Variants in IFT88 observed in about 807,000 individuals in gnomAD.
IFT88 encodes intraflagellar transport protein 88 homolog.
In IFT88, 74 loss-of-function variants were observed where a neutral mutation model predicts 119.5. The observed-to-expected ratio is 0.62, with a 90% CI of 0.51 to 0.75. The LOEUF is 0.75. IFT88 is among the 30% of genes least tolerant of loss of function. The pLI, the probability that IFT88 is intolerant of heterozygous loss-of-function variation, is 0.00. For missense variants in IFT88, 961 were observed against 977.7 expected (o/e 0.98, Z 0.23); for synonymous variants, 279 against 316.7 (o/e 0.88, Z 1.26).
At position 20,570,924 on chromosome 13, in the gene IFT88, G is replaced by A. The variant is rs143343670; in HGVS notation, c.-6-3456G>A. 2.1e-3 allele frequency among the ~76,000 whole-genome samples: 325 copies of A among 152,058 alleles called. 1 individual carries two copies. The highest frequency in any genetic ancestry group is 7.0e-3 in the African/African-American group (292 of 41,530). ...AAATAATTTTTAAAGGTTATGAGAA[G>A]CCACATATATGTGGTATTATGCTGA... On this transcript the variant is annotated intron_variant, in intron 1 of 25. Coordinates refer to ENST00000351808, the MANE Select transcript of IFT88 (RefSeq NM_006531.5).
At chr13:20,594,205 C>T (rs1375018994) in intron 7 of IFT88, among the ~76,000 whole-genome samples, 7 of 152,042 alleles carry the variant, frequency 4.6e-5, no homozygotes, top group African/African-American at 1.7e-4. Context: ...TCTTTGTTTC[C>T]CTTGGCTTTC....
intron 19 of IFT88, 58 bp downstream of exon 19, chr13:20,643,663 G>T: frequency 8.0e-7 from 1 of 1,243,740 alleles, no homozygotes. Context: ...TTGTTATAAA[G>T]AAGGCAGCAA....
At chr13:20,662,582 T>G (rs1465041478) in intron 22 of IFT88, among the ~76,000 whole-genome samples, 3 of 152,208 alleles carry the variant, frequency 2.0e-5, no homozygotes, top group African/African-American at 7.2e-5. Flanking sequence ...TATTTTTTGT[T>G]TTTTACCTTT....
At chr13:20,569,498 G>A (rs1293263595) in intron 1 of IFT88, among the ~76,000 whole-genome samples, 1 of 151,856 alleles carries the variant, frequency 6.6e-6, no homozygotes, top group East Asian at 1.9e-4. Context: ...GCGTGAACTC[G>A]GGAGGCGGAG....
intron 23 of IFT88, among the ~76,000 whole-genome samples, chr13:20,667,876 T>C (rs76539583): frequency 0.012 from 1,868 of 152,346 alleles, 38 homozygotes; most frequent in African/African-American, 0.043. Flanking sequence ...GTGCTTTATC[T>C]ATACTTGATC....
intron 18 of IFT88, chr13:20,642,830 A>G (rs562757259): frequency 5.3e-5 from 8 of 151,796 alleles, no homozygotes; most frequent in Non-Finnish European, 1.2e-4. Context: ...AAAACAGTAG[A>G]TCTTCTGGTG....
In IFT88 at chr13:20,592,421, G is replaced by A. The variant is rs753293561; in HGVS notation, c.398+17G>A. 1 of 1,510,196 alleles carries A rather than the reference G, an allele frequency of 6.6e-7. No individual in the cohort carries two copies. Among genetic ancestry groups the A allele is most frequent in the South Asian group, 1.2e-5 (1 of 82,032 alleles). The allele number at this position is 1,510,196 out of a possible 1,614,324, so 93.5% of individuals were successfully genotyped here. On this transcript the variant is annotated intron_variant, in intron 7 of 25. Transcript: ENST00000351808. ...AAAAGATAGGTATGTAAGTCCTTAT[G>A]TTGTTGTTTGTTGTTGTTGCTGCAT...
At chr13:20,625,947 T>C (rs1398533662) in intron 15 of IFT88, 98 bp downstream of exon 15, 1 of 462,488 alleles carries the variant, frequency 2.2e-6, no homozygotes, top group Non-Finnish European at 3.7e-6. Context: ...TTATCTGTGA[T>C]TATTCTGAAG....
chr13:20,654,120 G>T (rs2052326888), intron 21 of IFT88, among the ~76,000 whole-genome samples, 192 bp downstream of exon 21: 1 of 152,076 alleles, frequency 6.6e-6, no homozygotes, highest in African/African-American at 2.4e-5. Context: ...TACAAAATGG[G>T]TATTAATCAT....
At chr13:20,685,967 A>G (rs2057871216) in intron 24 of IFT88, among the ~76,000 whole-genome samples, 1 of 152,236 alleles carries the variant, frequency 6.6e-6, no homozygotes, top group African/African-American at 2.4e-5. Flanking sequence ...TATTGATCAC[A>G]TTATTTATGG....
intron 15 of IFT88, among the ~76,000 whole-genome samples, chr13:20,627,657 G>A (rs2047545169): frequency 6.9e-6 from 1 of 145,816 alleles, no homozygotes; most frequent in Admixed American, 7.2e-5. Context: ...CTTGAACCCA[G>A]GAGGCAGAAG....
At chr13:20,576,013 A>T (rs1474459167) in intron 2 of IFT88, among the ~76,000 whole-genome samples, 1 of 152,106 alleles carries the variant, frequency 6.6e-6, no homozygotes, top group African/African-American at 2.4e-5. Context: ...CCTTTTCTCC[A>T]CATTCTCACC....
At position 20,691,069 on chromosome 13, in the gene IFT88, A is replaced by G; in HGVS notation, c.2369A>G (p.Asp790Gly). 1 of 1,613,926 alleles carries G rather than the reference A, an allele frequency of 6.2e-7. No individual in the cohort carries two copies. Among genetic ancestry groups the G allele is most frequent in the Non-Finnish European group, 8.5e-7 (1 of 1,179,904 alleles). The stretch of plus-strand genomic sequence containing the variant: ...CGAAACCTAGATGCCTCCTATGTGG[A>G]CCCACTTGGCCCTCAAATAGAACGA... The part of the protein sequence containing the change: ...SNKEIDASYV[D>G]PLGPQIERPK... The change falls in exon 26 of 26, where the codon GAC becomes GGC. Residue 790 changes from aspartate (D) to glycine (G), a missense_variant. Transcript: ENST00000351808.
At chr13:20,676,905 C>T (rs1200080594) in intron 24 of IFT88, among the ~76,000 whole-genome samples, 1 of 152,144 alleles carries the variant, frequency 6.6e-6, no homozygotes, top group Non-Finnish European at 1.5e-5. Context: ...AATATATACA[C>T]ATGTATTTTA....
chr13:20,637,726 G>A (rs2049233022), intron 16 of IFT88, among the ~76,000 whole-genome samples: 1 of 152,204 alleles, frequency 6.6e-6, no homozygotes, highest in African/African-American at 2.4e-5. Context: ...CATTCCAGAT[G>A]TCACACAAGT....
In IFT88 at chr13:20,590,951, C is replaced by G; in HGVS notation, c.211-16C>G. On this transcript the variant is annotated splice_polypyrimidine_tract_variant and intron_variant, in intron 4 of 25. Transcript: ENST00000351808. ...ATTTTTAGGAATCTTTTTAACTTAA[C>G]TTTTCTGTTTACTAGTCCAAGACAT... 6.3e-7 allele frequency: 1 copy of G among 1,585,482 alleles called. No individual in the cohort carries two copies. Among genetic ancestry groups the G allele is most frequent in the Non-Finnish European group, 8.6e-7 (1 of 1,162,088 alleles).
intron 17 of IFT88, among the ~76,000 whole-genome samples, chr13:20,639,887 C>G (rs1444927604): frequency 7.0e-6 from 1 of 143,716 alleles, no homozygotes; most frequent in Non-Finnish European, 1.5e-5. Flanking sequence ...CTTCCAGGTT[C>G]AAGTGATTCT....
chr13:20,594,348 A>G (rs1461529933), intron 7 of IFT88, among the ~76,000 whole-genome samples: 1 of 152,190 alleles, frequency 6.6e-6, no homozygotes, highest in Non-Finnish European at 1.5e-5. Flanking sequence ...TCTTTCTAGC[A>G]GCCCTGTACC....
intron 20 of IFT88, among the ~76,000 whole-genome samples, chr13:20,645,221 C>A (rs1237549015): frequency 6.6e-6 from 1 of 152,084 alleles, no homozygotes; most frequent in Non-Finnish European, 1.5e-5. Flanking sequence ...TCCCGAGTAG[C>A]TGGGATTACA....
Sources: gnomAD v4.1 joint callset for allele counts (sites outside exome capture counted in the v4.1 genomes callset) on GRCh38, gnomAD v4.1.1 for gene constraint, MANE v1.5 for transcripts, NCBI Gene and HGNC (gene_info 2026-07-23, HGNC 2026-07-21) for gene names.